The following RFX3 variants were observed in gnomAD, a reference collection of about 807,000 sequenced individuals.
The protein encoded by RFX3 is regulatory factor X3.
In RFX3, 14 loss-of-function variants were observed where a neutral mutation model predicts 98.6. That is an observed-to-expected ratio of 0.14 (90% CI 0.09 to 0.22). The LOEUF is 0.22. Among genes scored for constraint, RFX3 ranks in the 10% least tolerant of loss-of-function variants. RFX3 has a pLI of 1.00. For synonymous variants in RFX3, 383 were observed against 328.4 expected (o/e 1.17, Z -1.80); for missense variants, 639 against 926.9 (o/e 0.69, Z 4.03).
At chr9:3,451,419 C>G (rs996755675) in intron 1 of RFX3, among the ~76,000 whole-genome samples, 1 of 152,020 alleles carries the variant, frequency 6.6e-6, no homozygotes, top group African/African-American at 2.4e-5. Flanking sequence ...GGTGGCGTGT[C>G]TGTAGTCCCA....
chr9:3,380,597 G>A (rs548143531), intron 2 of RFX3, among the ~76,000 whole-genome samples: 2 of 152,118 alleles, frequency 1.3e-5, no homozygotes, highest in African/African-American at 4.8e-5. Flanking sequence ...CATCTCATTA[G>A]ATCAAATTCA....
chr9:3,476,258 GTTCT>G (rs1419896059), intron 1 of RFX3, among the ~76,000 whole-genome samples: 1 of 151,048 alleles, frequency 6.6e-6, no homozygotes, highest in Non-Finnish European at 1.5e-5. Context: ...GTTGTTTTAT[GTTCT>G]TTATTACACT....
At chr9:3,308,886 G>C (rs1829641875) in intron 4 of RFX3, among the ~76,000 whole-genome samples, 1 of 152,084 alleles carries the variant, frequency 6.6e-6, no homozygotes, top group Admixed American at 6.6e-5. Context: ...ATACATATGT[G>C]AGTCAGCTCC....
chr9:3,524,181 A>G (rs1448421747), intron 1 of RFX3, among the ~76,000 whole-genome samples: 1 of 152,234 alleles, frequency 6.6e-6, no homozygotes, highest in Admixed American at 6.5e-5. Context: ...GCACACATTC[A>G]TTATCAAAAC....
Position 3,222,101 on chromosome 9 carries a change from GT to G in RFX3, c.*2940del, listed in dbSNP as rs1817368184. 1 of 152,082 alleles carries G rather than the reference GT, an allele frequency of 6.6e-6. No homozygotes were observed. The highest frequency in any genetic ancestry group is 6.6e-5 in the Admixed American group (1 of 15,262). The allele number at this position is 152,082 out of a possible 1,614,324, so 9.4% of individuals were successfully genotyped here. On this transcript the variant is annotated 3_prime_UTR_variant, in exon 17 of 17. Coordinates refer to ENST00000617270, the MANE Select transcript of RFX3 (RefSeq NM_001282116.2). ...CTCAATTTGCTCAAATGTATAAATT[GT>G]TTTTATTTTCTTATATATTTTTCAC...
Position 3,292,999 on chromosome 9 carries a change from T to A in RFX3, c.731+78A>T. 3.4e-6 allele frequency: 4 copies of A among 1,168,328 alleles called. No homozygotes were observed. In the South Asian group the frequency reaches 6.2e-5, roughly 18 times the overall value. 72.4% of individuals were successfully genotyped at this position (1,168,328 alleles called of 1,614,324 possible). ...TTATATATTGTCTGTAATCAAGTAC[T>A]TTTGTTTAAACAATATATTGAATTG... On this transcript the variant is annotated intron_variant, in intron 6 of 16. Transcript: ENST00000617270.
chr9:3,500,596 T>C (rs1815890042), intron 1 of RFX3, among the ~76,000 whole-genome samples: 1 of 152,208 alleles, frequency 6.6e-6, no homozygotes, highest in African/African-American at 2.4e-5. Flanking sequence ...GAATACTTTC[T>C]AGTTCTCCTG....
At chr9:3,485,768 T>C (rs1434014862) in intron 1 of RFX3, among the ~76,000 whole-genome samples, 2 of 152,192 alleles carry the variant, frequency 1.3e-5, no homozygotes, top group African/African-American at 2.4e-5. Context: ...TAGCAATACA[T>C]TTCCAAGCAA....
At chr9:3,247,931 T>C in intron 15 of RFX3, 101 bp downstream of exon 15, 2 of 1,612,816 alleles carry the variant, frequency 1.2e-6, no homozygotes, top group Non-Finnish European at 1.7e-6. Context: ...GCTGACTTGG[T>C]TAGGAACCAT....
intron 1 of RFX3, among the ~76,000 whole-genome samples, chr9:3,401,763 T>C (rs1042839721): frequency 4.6e-5 from 7 of 152,292 alleles, no homozygotes; most frequent in African/African-American, 1.7e-4. Flanking sequence ...AATTAAGCAG[T>C]TGGACACACC....
Position 3,225,233 on chromosome 9 carries a change from A to C in RFX3, c.2059T>G (p.Ser687Ala). ...TCTCTTTTGGCTTGAGGCTCTGAAG[A>C]GTCATCCAGTTCTTCATCCATTTCA... The part of the protein sequence containing the change: ...ESEMDEELDD[S>A]SEPQAKREKT... Residue 687 changes from serine (S) to alanine (A), a missense_variant, in exon 17 of 17, where the codon TCT (serine) becomes GCT (alanine). By Grantham distance (99) the Ser-to-Ala change is moderately conservative. This residue lies in a region of RFX3 where 129 missense variants were observed against 124.6 expected (regional missense o/e 1.04). Transcript: ENST00000617270. The C allele has an allele frequency of 6.2e-7, 1 of 1,613,870 alleles. No homozygotes were observed. The highest frequency in any genetic ancestry group is 8.5e-7 in the Non-Finnish European group (1 of 1,179,914).
At chr9:3,421,424 C>G (rs533750186) in intron 1 of RFX3, among the ~76,000 whole-genome samples, 97 of 152,306 alleles carry the variant, frequency 6.4e-4, no homozygotes, top group Middle Eastern at 3.4e-3. Flanking sequence ...AAAAAAGGAA[C>G]ATTTAAATTA....
chr9:3,465,790 A>T (rs528524997), intron 1 of RFX3, among the ~76,000 whole-genome samples: 2 of 152,166 alleles, frequency 1.3e-5, no homozygotes, highest in African/African-American at 4.8e-5. Flanking sequence ...GTGAGTGGTA[A>T]AGATAGTAAG....
intron 4 of RFX3, among the ~76,000 whole-genome samples, chr9:3,310,731 T>C (rs929105129): frequency 6.6e-6 from 1 of 152,224 alleles, no homozygotes; most frequent in African/African-American, 2.4e-5. Context: ...TGTGTAGAAC[T>C]TTCTTGGGTA....
intron 1 of RFX3, among the ~76,000 whole-genome samples, chr9:3,405,153 G>A (rs1469238133): frequency 6.6e-6 from 1 of 151,778 alleles, no homozygotes; most frequent in African/African-American, 2.4e-5. Flanking sequence ...CTACCTGTCT[G>A]GCCAATCTTT....
intron 5 of RFX3, among the ~76,000 whole-genome samples, chr9:3,294,387 T>C (rs925734132): frequency 4.6e-5 from 7 of 152,104 alleles, no homozygotes; most frequent in East Asian, 1.9e-4. Flanking sequence ...TTATAAATTA[T>C]AGAAGCCAAA....
intron 1 of RFX3, among the ~76,000 whole-genome samples, chr9:3,486,848 C>T (rs1850321014): frequency 6.6e-6 from 1 of 152,064 alleles, no homozygotes; most frequent in African/African-American, 2.4e-5. Context: ...TTTCTATGTG[C>T]ACATAAGTAA....
At chr9:3,318,792 C>T (rs936370140) in intron 4 of RFX3, among the ~76,000 whole-genome samples, 7 of 152,230 alleles carry the variant, frequency 4.6e-5, no homozygotes, top group Admixed American at 2.0e-4. Context: ...TTATTCTTAA[C>T]ATTTTCATAG....
At chr9:3,366,332 TAAC>T (rs1462740305) in intron 2 of RFX3, among the ~76,000 whole-genome samples, 5 of 152,174 alleles carry the variant, frequency 3.3e-5, no homozygotes, top group African/African-American at 9.7e-5. Flanking sequence ...TTTTTGCACT[TAAC>T]AATACATCTT....
Sources: gnomAD v4.1 joint callset for allele counts (sites outside exome capture counted in the v4.1 genomes callset) on GRCh38, gnomAD v4.1.1 for gene constraint, gnomAD v4.1.1 regional missense constraint, MANE v1.5 for transcripts, NCBI Gene and HGNC (gene_info 2026-07-23, HGNC 2026-07-21) for gene names.